Variants in PARN observed in about 807,000 individuals in gnomAD.
The protein encoded by PARN is poly(A)-specific ribonuclease.
Under a neutral mutation model 102.8 loss-of-function variants are expected in PARN, and 71 were observed. The observed-to-expected ratio is 0.69, with a 90% CI of 0.57 to 0.84. The LOEUF (loss-of-function observed/expected upper bound fraction) is 0.84. Ranked by LOEUF, PARN falls within the 40% of genes least tolerant of loss-of-function variation. The probability of loss-of-function intolerance (pLI) is 0.00; values close to 1 mark genes in which losing one functional copy is unlikely to be tolerated. For missense variants in PARN, 782 were observed against 760.9 expected, an observed-to-expected ratio of 1.03 and a Z score of -0.33; for synonymous variants, 261 against 252.9, an observed-to-expected ratio of 1.03 and a Z score of -0.30.
chr16:14,482,496 T>C (rs1204105918), intron 22 of PARN, 142 bp downstream of exon 22: 6 of 584,664 alleles, frequency 1.0e-5, no homozygotes, highest in East Asian at 6.1e-5. Flanking sequence ...ATTCAGGTCA[T>C]AGTCACTTCT....
At chr16:14,561,781 C>T (rs1439856496) in intron 18 of PARN, among the ~76,000 whole-genome samples, 1 of 152,162 alleles carries the variant, frequency 6.6e-6, no homozygotes, top group African/African-American at 2.4e-5. Flanking sequence ...GCACTCCAGT[C>T]TGGGCAACAG....
intron 23 of PARN, among the ~76,000 whole-genome samples, chr16:14,437,321 C>T (rs1452818976): frequency 6.6e-6 from 1 of 152,216 alleles, no homozygotes; most frequent in East Asian, 1.9e-4. Flanking sequence ...TGTGCTGTGG[C>T]TCTGCCTAGG....
At chr16:14,520,476 T>G (rs1195366133) in intron 21 of PARN, among the ~76,000 whole-genome samples, 1 of 151,984 alleles carries the variant, frequency 6.6e-6, no homozygotes, top group Non-Finnish European at 1.5e-5. Flanking sequence ...GCCTGTAATC[T>G]CAGCACTTTG....
At chr16:14,536,428 G>A (rs781471875) in intron 21 of PARN, among the ~76,000 whole-genome samples, 1 of 152,168 alleles carries the variant, frequency 6.6e-6, no homozygotes, top group Non-Finnish European at 1.5e-5. Context: ...AGTGGCCGAA[G>A]AGCAAACTGG....
chr16:14,499,881 G>A (rs921821697), intron 21 of PARN, among the ~76,000 whole-genome samples: 1 of 152,004 alleles, frequency 6.6e-6, no homozygotes, highest in Non-Finnish European at 1.5e-5. Flanking sequence ...TTAATACAAT[G>A]GCAAGTGTGA....
chr16:14,446,260 G>A (rs145183714), intron 23 of PARN, among the ~76,000 whole-genome samples: 2,070 of 152,288 alleles, frequency 0.014, 18 homozygotes, highest in Non-Finnish European at 0.024. Flanking sequence ...TCTGCCTTTC[G>A]GCTGTGCTTC....
intron 8 of PARN, among the ~76,000 whole-genome samples, chr16:14,608,592 TTAAAG>T (rs1293579855): frequency 6.6e-6 from 1 of 152,168 alleles, no homozygotes; most frequent in Non-Finnish European, 1.5e-5. Context: ...TAAAGAGAGC[TTAAAG>T]TAGACAGATG....
intron 18 of PARN, among the ~76,000 whole-genome samples, chr16:14,577,458 C>T (rs886546540): frequency 1.3e-5 from 2 of 151,986 alleles, no homozygotes; most frequent in Admixed American, 6.6e-5. Flanking sequence ...CTCAGCCTCC[C>T]GAGTAGCTGG....
chr16:14,546,683 T>C (rs902554760), intron 21 of PARN, among the ~76,000 whole-genome samples: 1 of 152,206 alleles, frequency 6.6e-6, no homozygotes, highest in African/African-American at 2.4e-5. Flanking sequence ...TGTCTAAATA[T>C]TGAGAGTATG....
rs533893662 is a variant in PARN at position 14,620,159 on chromosome 16, CA to C, written c.328-2510del. Among the ~76,000 whole-genome samples the C allele has an allele frequency of 5.5e-5, 8 of 146,752 alleles. No individual in the cohort carries two copies. The South Asian group carries it at 1.5e-3, about 28-fold the overall frequency. On this transcript the variant is annotated intron_variant, in intron 5 of 23. Transcript: ENST00000437198. The stretch of plus-strand genomic sequence containing the variant: ...TTGGGAGGCCCAGGCGGGCAGATTA[CA>C]AGGTCAGGAGATCGAGACCACCCTG...
intron 21 of PARN, among the ~76,000 whole-genome samples, chr16:14,526,978 C>T (rs1966044284): frequency 6.6e-6 from 1 of 152,154 alleles, no homozygotes; most frequent in South Asian, 2.1e-4. Context: ...GGTCAAACAC[C>T]CTGGTGAAGA....
intron 21 of PARN, among the ~76,000 whole-genome samples, chr16:14,484,811 C>A (rs1963569670): frequency 6.6e-6 from 1 of 151,756 alleles, no homozygotes; most frequent in South Asian, 2.1e-4. Context: ...AAAAACAGAA[C>A]AAAACAGGAA....
At chr16:14,627,426 C>T in intron 3 of PARN, 90 bp from the exon 4 acceptor site, 3 of 803,182 alleles carry the variant, frequency 3.7e-6, no homozygotes, top group Non-Finnish European at 6.4e-6. Flanking sequence ...TTCTGAATTA[C>T]TCAATGAGAC....
In PARN at chr16:14,482,880, C is replaced by T. The variant is rs558181654; in HGVS notation, c.1481-53G>A. 44 of 1,441,532 alleles carry T rather than the reference C, an allele frequency of 3.1e-5. 1 individual carries two copies. In the South Asian group the frequency reaches 5.6e-4, roughly 18 times the overall value. 89.3% of individuals were successfully genotyped at this position (1,441,532 alleles called of 1,614,324 possible). A position where few individuals can be genotyped will look rare whatever the true frequency, so the allele number is the denominator to read the frequency against. On this transcript the variant is annotated intron_variant, in intron 21 of 23. Coordinates refer to ENST00000437198, the MANE Select transcript of PARN (RefSeq NM_002582.4). The stretch of plus-strand genomic sequence containing the variant: ...TGCTTACAAAAGTCTGGCCTAGCCC[C>T]AAAGATGACACTTTTGAAATGTGGC...
At chr16:14,619,125 G>T (rs1354099085) in intron 5 of PARN, among the ~76,000 whole-genome samples, 2 of 151,924 alleles carry the variant, frequency 1.3e-5, no homozygotes, top group Non-Finnish European at 2.9e-5. Context: ...AGTATGGAAG[G>T]TGAGGAGGTT....
At chr16:14,564,578 C>T (rs1020129527) in intron 18 of PARN, among the ~76,000 whole-genome samples, 4 of 152,134 alleles carry the variant, frequency 2.6e-5, no homozygotes, top group Admixed American at 2.6e-4. Flanking sequence ...CAGGGTGAGG[C>T]GAGGCCTCAG....
intron 13 of PARN, among the ~76,000 whole-genome samples, chr16:14,590,634 CAA>C (rs966183881): frequency 0.026 from 1,676 of 63,514 alleles, 20 homozygotes; most frequent in African/African-American, 0.075. Context: ...GATTCAGTCT[CAA>C]AAAAAAAAAA....
At chr16:14,551,964 T>C in intron 21 of PARN, 57 bp downstream of exon 21, 2 of 1,133,580 alleles carry the variant, frequency 1.8e-6, no homozygotes, top group Non-Finnish European at 2.7e-6. Flanking sequence ...AAGGGGGCAG[T>C]GGGAGGGCAA....
chr16:14,532,913 C>A (rs1352951959), intron 21 of PARN, among the ~76,000 whole-genome samples: 1 of 152,050 alleles, frequency 6.6e-6, no homozygotes, highest in Non-Finnish European at 1.5e-5. Flanking sequence ...GGGCTCCTCA[C>A]TTTCCAGACT....
Sources: allele counts gnomAD v4.1 joint callset (sites outside exome capture counted in the v4.1 genomes callset), GRCh38; gene constraint gnomAD v4.1.1; transcripts MANE v1.5; gene names NCBI Gene and HGNC (gene_info 2026-07-23, HGNC 2026-07-21).